The following PTCHD4 variants were observed in gnomAD, a reference collection of about 807,000 sequenced individuals.
PTCHD4 encodes the protein patched domain containing 4, also known as patched domain-containing protein 4.
PTCHD4 carries 33 observed loss-of-function variants against 58.1 expected under a neutral mutation model. The ratio of observed to expected loss-of-function variants is 0.57; its 90% CI spans 0.43 to 0.76. The LOEUF (loss-of-function observed/expected upper bound fraction) is 0.76. Among genes scored for constraint, PTCHD4 ranks in the 30% least tolerant of loss-of-function variants. The pLI, the probability that PTCHD4 is intolerant of heterozygous loss-of-function variation, is 0.00. For missense variants in PTCHD4, 1,058 were observed against 1,027.1 expected (o/e 1.03, Z -0.41); for synonymous variants, 478 against 409.6 (o/e 1.17, Z -2.02).
In PTCHD4 at chr6:47,873,401, T is replaced by C. The variant is rs1476297027; in HGVS notation, c.*4902A>G. On this transcript the variant is annotated 3_prime_UTR_variant, in exon 5 of 5. Coordinates refer to ENST00000339488, the MANE Select transcript of PTCHD4 (RefSeq NM_001384253.1). ...GTGTCATTTCAAATGTTGCCTGATC[T>C]AACTCCACAACACTTCAAACACAGA... Among the ~76,000 whole-genome samples the C allele has an allele frequency of 6.6e-6, 1 of 151,706 alleles. No individual in the cohort carries two copies. The highest frequency in any genetic ancestry group is 1.9e-4 in the East Asian group (1 of 5,154).
intron 1 of PTCHD4, among the ~76,000 whole-genome samples, chr6:48,093,473 G>T (rs1765405449): frequency 6.6e-6 from 1 of 151,878 alleles, no homozygotes. Context: ...AAAGGTATTG[G>T]GGACTATGCA....
chr6:48,014,035 CA>C (rs200081396), intron 3 of PTCHD4, among the ~76,000 whole-genome samples: 9 of 150,846 alleles, frequency 6.0e-5, no homozygotes, highest in Admixed American at 2.0e-4. Flanking sequence ...CCCATTTTTA[CA>C]AAAAAAAAGT....
At position 47,912,343 on chromosome 6, in the gene PTCHD4, C is replaced by T. The variant is rs189823530; in HGVS notation, c.899-32407G>A. On this transcript the variant is annotated intron_variant, in intron 4 of 4. Transcript: ENST00000339488. The stretch of plus-strand genomic sequence containing the variant: ...CTGAAATTAGAAAAACCTACAATGC[C>T]TTGTCCTGTAATTCTGGGCCAGAAG... Among the ~76,000 whole-genome samples the T allele has an allele frequency of 1.8e-3, 277 of 152,024 alleles. 1 individual carries two copies. Among genetic ancestry groups the T allele is most frequent in the African/African-American group, 6.2e-3 (257 of 41,478 alleles).
At chr6:47,938,492 T>C (rs1766097559) in intron 4 of PTCHD4, among the ~76,000 whole-genome samples, 1 of 152,198 alleles carries the variant, frequency 6.6e-6, no homozygotes, top group African/African-American at 2.4e-5. Context: ...CTACGGAAAT[T>C]TCTTCTGAAT....
rs191919500 is a variant in PTCHD4 at position 48,008,817 on chromosome 6, C to T, written c.715G>A (p.Val239Met). 21 of 1,613,940 alleles carry T rather than the reference C, an allele frequency of 1.3e-5. No individual in the cohort carries two copies. The highest frequency in any genetic ancestry group is 5.3e-5 in the African/African-American group (4 of 75,042). Residue 239 changes from valine to methionine, a missense_variant, in exon 4 of 5, where the codon GTG becomes ATG. Coordinates refer to ENST00000339488, the MANE Select transcript of PTCHD4 (RefSeq NM_001384253.1). ...LARSKVLVSL[V>M]LILTTATLSS... ...AGGGTGGCTGTGGTCAGGATCAGCA[C>T]GAGGCTCACCAGGACCTTGCTTCTG...
At chr6:47,985,682 A>AT (rs1485891054) in intron 4 of PTCHD4, among the ~76,000 whole-genome samples, 1 of 151,648 alleles carries the variant, frequency 6.6e-6, no homozygotes. Flanking sequence ...GCCATGCCCT[A>AT]TTTTTCACTG....
chr6:48,041,503 C>A (rs1763847680), intron 3 of PTCHD4, among the ~76,000 whole-genome samples: 1 of 152,014 alleles, frequency 6.6e-6, no homozygotes. Context: ...CTAACTATAT[C>A]ATTTAGCCCT....
chr6:48,004,357 A>T (rs1768865483), intron 4 of PTCHD4, among the ~76,000 whole-genome samples: 1 of 152,180 alleles, frequency 6.6e-6, no homozygotes, highest in Non-Finnish European at 1.5e-5. Context: ...GGACAAAAAA[A>T]TAATAGTGAT....
chr6:47,921,513 CA>C (rs1765431981), intron 4 of PTCHD4, among the ~76,000 whole-genome samples: 1 of 152,156 alleles, frequency 6.6e-6, no homozygotes, highest in African/African-American at 2.4e-5. Flanking sequence ...CTCTCTTTTG[CA>C]GCTACGTGTG....
chr6:48,056,882 A>G (rs1764423927), intron 3 of PTCHD4, among the ~76,000 whole-genome samples: 3 of 152,242 alleles, frequency 2.0e-5, no homozygotes, highest in Admixed American at 2.0e-4. Flanking sequence ...GTGATTCTGC[A>G]AGCTCTCATG....
intron 3 of PTCHD4, among the ~76,000 whole-genome samples, chr6:48,021,500 A>G (rs911440715): frequency 6.6e-6 from 1 of 152,112 alleles, no homozygotes; most frequent in African/African-American, 2.4e-5. Flanking sequence ...CATCTCATAC[A>G]TTTGTTTTCT....
intron 4 of PTCHD4, among the ~76,000 whole-genome samples, chr6:47,898,305 A>G (rs1055139340): frequency 2.0e-5 from 3 of 152,064 alleles, no homozygotes; most frequent in Non-Finnish European, 2.9e-5. Flanking sequence ...AACTATCATA[A>G]TCCTGTCTCT....
rs550048748 is a variant in PTCHD4, at chr6:47,882,597, T to C, written c.899-2661A>G. On this transcript the variant is annotated intron_variant, in intron 4 of 4. Coordinates refer to ENST00000339488, the MANE Select transcript of PTCHD4 (RefSeq NM_001384253.1). ...CTGTGTGCATGTTCCTCATTAGTCT[T>C]ATCTTCTTAGCTTTGTTTATGTTAT... Among the ~76,000 whole-genome samples the C allele has an allele frequency of 8.6e-5, 13 of 151,904 alleles. No homozygotes were observed. The East Asian group carries it at 2.5e-3, about 29-fold the overall frequency.
At chr6:47,922,682 A>T (rs1286056478) in intron 4 of PTCHD4, among the ~76,000 whole-genome samples, 1 of 152,174 alleles carries the variant, frequency 6.6e-6, no homozygotes, top group Non-Finnish European at 1.5e-5. Flanking sequence ...CTCTTTGTGC[A>T]TGTTCACAGC....
Position 48,102,852 on chromosome 6 carries a change from A to G in PTCHD4, c.-970+8197T>C, listed in dbSNP as rs1054609904. 4.6e-5 allele frequency among the ~76,000 whole-genome samples: 7 copies of G among 152,302 alleles called. No homozygotes were observed. The East Asian group carries it at 9.7e-4, about 21-fold the overall frequency. On this transcript the variant is annotated intron_variant, in intron 1 of 4. Transcript: ENST00000339488. ...GTCCTATGCCCACAGAGCCTAGCTC[A>G]TTGCTAGCACAGCAGTCTGAGATCA...
intron 4 of PTCHD4, chr6:47,901,761 GTGATGATGA>G (rs979836874): frequency 8.1e-7 from 1 of 1,229,874 alleles, no homozygotes; most frequent in Non-Finnish European, 1.0e-6. Context: ...GGTATTGGTG[GTGATGATGA>G]TGATGATGAC....
intron 3 of PTCHD4, among the ~76,000 whole-genome samples, chr6:48,039,921 C>T (rs991910292): frequency 2.6e-5 from 4 of 152,016 alleles, no homozygotes; most frequent in Non-Finnish European, 5.9e-5. Context: ...TCTTCTCAGA[C>T]TTTTGTGTAC....
intron 3 of PTCHD4, among the ~76,000 whole-genome samples, chr6:48,050,487 G>T (rs192291660): frequency 3.3e-5 from 5 of 152,118 alleles, no homozygotes; most frequent in African/African-American, 1.2e-4. Context: ...AGGTGCTACA[G>T]TAGGAATACT....
At chr6:48,016,824 A>G (rs1762885034) in intron 3 of PTCHD4, among the ~76,000 whole-genome samples, 1 of 150,594 alleles carries the variant, frequency 6.6e-6, no homozygotes, top group South Asian at 2.1e-4. Context: ...ACAATAGTGC[A>G]GAGAAAAAAA....
Sources: allele counts gnomAD v4.1 joint callset (sites outside exome capture counted in the v4.1 genomes callset), GRCh38; gene constraint gnomAD v4.1.1; transcripts MANE v1.5; gene names NCBI Gene and HGNC (gene_info 2026-07-23, HGNC 2026-07-21).